Variants in TENM3 observed in about 807,000 individuals in gnomAD.
The protein encoded by TENM3 is teneurin transmembrane protein 3.
In TENM3, 63 loss-of-function variants were observed where a neutral mutation model predicts 255.1. The observed-to-expected ratio is 0.25, with a 90% CI of 0.20 to 0.30. The LOEUF is 0.30. TENM3 is among the 10% of genes least tolerant of loss of function. The probability of loss-of-function intolerance (pLI) is 1.00; values close to 1 mark genes in which losing one functional copy is unlikely to be tolerated. For missense variants in TENM3, 2,929 were observed against 3,461.1 expected, an observed-to-expected ratio of 0.85 and a Z score of 3.86; for synonymous variants, 1,306 against 1,322.3, an observed-to-expected ratio of 0.99 and a Z score of 0.27.
At chr4:182,508,328 C>T (rs1012099271) in intron 3 of TENM3, among the ~76,000 whole-genome samples, 10 of 152,090 alleles carry the variant, frequency 6.6e-5, no homozygotes, top group Admixed American at 6.5e-5. Flanking sequence ...GTAACTATTC[C>T]TATAAGAGTA....
the TENM3 span, among the ~76,000 whole-genome samples, chr4:181,541,048 T>G: frequency 6.6e-6 from 1 of 152,158 alleles, no homozygotes; most frequent in Non-Finnish European, 1.5e-5. Context: ...CTGAGAATGC[T>G]TATAAGTGAG....
At chr4:182,084,133 C>T in the TENM3 span, among the ~76,000 whole-genome samples, 1 of 152,102 alleles carries the variant, frequency 6.6e-6, no homozygotes, top group Non-Finnish European at 1.5e-5. Context: ...TACACGCACA[C>T]ACTAAGAAAT....
intron 2 of TENM3, among the ~76,000 whole-genome samples, chr4:182,343,803 G>A (rs1227608715): frequency 6.6e-6 from 1 of 152,150 alleles, no homozygotes; most frequent in Non-Finnish European, 1.5e-5. Flanking sequence ...ATTTATTCTA[G>A]TTTAAGGTTA....
chr4:182,753,533 A>G lies in TENM3; in HGVS notation c.3946A>G (p.Thr1316Ala), dbSNP rs1478086281. ...AGTTGACCAAAATGGAATCATATCAACTCTTCTGGGCTCTAACGATTTGAC... is the reference window on the plus strand; with the variant it reads ...AGTTGACCAAAATGGAATCATATCAGCTCTTCTGGGCTCTAACGATTTGAC... ...RKVDQNGIIS[T>A]LLGSNDLTSA... The change falls in exon 21 of 28, where the codon ACT (threonine) becomes GCT (alanine). Residue 1316 changes from threonine (T) to alanine (A), a missense_variant. By Grantham distance (58) the Thr-to-Ala change is moderately conservative. Coordinates refer to ENST00000511685, the MANE Select transcript of TENM3 (RefSeq NM_001080477.4). 1 of 1,613,802 alleles carries G rather than the reference A, an allele frequency of 6.2e-7. No individual in the cohort carries two copies. The highest frequency in any genetic ancestry group is 8.5e-7 in the Non-Finnish European group (1 of 1,179,836).
At chr4:182,720,168 A>G (rs917022164) in intron 13 of TENM3, among the ~76,000 whole-genome samples, 1 of 152,220 alleles carries the variant, frequency 6.6e-6, no homozygotes, top group Non-Finnish European at 1.5e-5. Context: ...ATTAATATAA[A>G]CATGAGAATG....
chr4:182,605,762 A>G (rs2152421389), intron 4 of TENM3, among the ~76,000 whole-genome samples: 1 of 152,264 alleles, frequency 6.6e-6, no homozygotes. Flanking sequence ...TAATTGAGGA[A>G]GCTATTGTAA....
chr4:182,359,874 CT>C (rs1453241065), intron 3 of TENM3, among the ~76,000 whole-genome samples: 4 of 149,972 alleles, frequency 2.7e-5, no homozygotes, highest in African/African-American at 9.7e-5. Context: ...ATAAATTTCC[CT>C]CTACACACTG....
chr4:182,022,848 A>G, the TENM3 span, among the ~76,000 whole-genome samples: 17 of 152,336 alleles, frequency 1.1e-4, 2 homozygotes, highest in South Asian at 1.9e-3. Flanking sequence ...TTAAAAATGT[A>G]TAACAGTAAT....
chr4:181,592,543 G>T, the TENM3 span, among the ~76,000 whole-genome samples: 1 of 151,984 alleles, frequency 6.6e-6, no homozygotes, highest in African/African-American at 2.4e-5. Context: ...AGAACCATGT[G>T]ACAGGAAGGA....
At chr4:182,604,900 A>G (rs142951687) in intron 4 of TENM3, among the ~76,000 whole-genome samples, 2 of 152,296 alleles carry the variant, frequency 1.3e-5, no homozygotes, top group East Asian at 3.9e-4. Flanking sequence ...TTTTATTTCA[A>G]TATTGAGATG....
At chr4:182,615,069 A>ATGTAT (rs1202422295) in intron 4 of TENM3, among the ~76,000 whole-genome samples, 4 of 130,380 alleles carry the variant, frequency 3.1e-5, no homozygotes, top group Admixed American at 8.4e-5. Context: ...ATATATATGT[A>ATGTAT]TTTTTTTTTT....
At chr4:181,561,769 T>G in the TENM3 span, among the ~76,000 whole-genome samples, 1 of 152,258 alleles carries the variant, frequency 6.6e-6, no homozygotes, top group Non-Finnish European at 1.5e-5. Flanking sequence ...GTGCATCTTC[T>G]GTTATTCTCA....
intron 5 of TENM3, among the ~76,000 whole-genome samples, chr4:182,630,964 A>T (rs1751313378): frequency 6.6e-6 from 1 of 152,062 alleles, no homozygotes; most frequent in Non-Finnish European, 1.5e-5. Context: ...AAAAAATAGC[A>T]TTTTAATGTG....
the TENM3 span, among the ~76,000 whole-genome samples, chr4:181,716,583 G>A: frequency 6.6e-6 from 1 of 152,088 alleles, no homozygotes; most frequent in Non-Finnish European, 1.5e-5. Flanking sequence ...ATGTACCTTG[G>A]ACTATTTTTC....
chr4:182,304,931 G>A (rs905044422), intron 1 of TENM3, among the ~76,000 whole-genome samples: 2 of 152,096 alleles, frequency 1.3e-5, no homozygotes, highest in African/African-American at 4.8e-5. Context: ...CTGTCGAGGG[G>A]TTTTTCTTTC....
At position 182,753,408 on chromosome 4, in the gene TENM3, C is replaced by T. The variant is rs369428363; in HGVS notation, c.3863-42C>T. 23 of 1,560,714 alleles carry T rather than the reference C, an allele frequency of 1.5e-5. No individual in the cohort carries two copies. In the African/African-American group the frequency reaches 2.6e-4, roughly 18 times the overall value. ...GGCCTAATAGTTAATCAAAAGTAAC[C>T]ATTTTTGAAAAATTAGTAATACTTG... On this transcript the variant is annotated intron_variant, in intron 20 of 27. Coordinates refer to ENST00000511685, the MANE Select transcript of TENM3 (RefSeq NM_001080477.4).
At chr4:181,758,295 A>G in the TENM3 span, among the ~76,000 whole-genome samples, 2 of 152,230 alleles carry the variant, frequency 1.3e-5, no homozygotes. Context: ...GTTTTTGCAC[A>G]TCTTCAGGGG....
At chr4:182,466,084 T>G (rs1203820392) in intron 3 of TENM3, among the ~76,000 whole-genome samples, 3 of 152,158 alleles carry the variant, frequency 2.0e-5, no homozygotes, top group African/African-American at 7.2e-5. Flanking sequence ...CACCAAAGAA[T>G]ACATGAAGAC....
At chr4:181,746,921 T>C in the TENM3 span, among the ~76,000 whole-genome samples, 7,458 of 152,218 alleles carry the variant, frequency 0.049, 224 homozygotes, top group Middle Eastern at 0.1. Context: ...TTTTTTCCCA[T>C]TGATGTACCC....
Sources: allele counts gnomAD v4.1 joint callset (sites outside exome capture counted in the v4.1 genomes callset), GRCh38; gene constraint gnomAD v4.1.1; transcripts MANE v1.5; gene names NCBI Gene and HGNC (gene_info 2026-07-23, HGNC 2026-07-21).